PRKN: variants seen among roughly 807,000 people sequenced by gnomAD.
PRKN encodes the protein E3 ubiquitin-protein ligase parkin.
Under a neutral mutation model 59.5 loss-of-function variants are expected in PRKN, and 56 were observed. That is an observed-to-expected ratio of 0.94 (90% CI 0.76 to 1.18). PRKN has a LOEUF of 1.18. Among genes scored for constraint, PRKN ranks in the 50% most tolerant of loss-of-function variants. PRKN has a pLI of 0.00. For missense variants in PRKN, 657 were observed against 596.4 expected, an observed-to-expected ratio of 1.10 and a Z score of -1.06; for synonymous variants, 250 against 222.1, an observed-to-expected ratio of 1.13 and a Z score of -1.12.
rs534466496 is a variant in PRKN, at chr6:161,430,616, C to A, written c.1084-43739G>T. On this transcript the variant is annotated intron_variant, in intron 9 of 11. Transcript: ENST00000366898. ...GGATCACGAGGTCAGGAGATCAAGA[C>A]CATCCTGGCTAACACAGTGAAACCC... Among the ~76,000 whole-genome samples the A allele has an allele frequency of 7.0e-4, 105 of 151,022 alleles. No individual in the cohort carries two copies. In the Middle Eastern group the frequency reaches 0.01, roughly 15 times the overall value.
intron 5 of PRKN, among the ~76,000 whole-genome samples, chr6:162,052,094 C>G (rs183521578): frequency 1.3e-3 from 196 of 152,258 alleles, no homozygotes; most frequent in African/African-American, 4.6e-3. Flanking sequence ...ACTGTATTAT[C>G]AAACTCTATC....
At chr6:162,206,432 A>G (rs2128332794) in intron 3 of PRKN, among the ~76,000 whole-genome samples, 1 of 152,306 alleles carries the variant, frequency 6.6e-6, no homozygotes, top group South Asian at 2.1e-4. Flanking sequence ...GCGTCCCCCA[A>G]GCCTTTGTCC....
At chr6:161,771,387 T>A (rs78962635) in intron 7 of PRKN, among the ~76,000 whole-genome samples, 58,731 of 118,900 alleles carry the variant, frequency 0.49, 15,455 homozygotes, top group Non-Finnish European at 0.55. Context: ...TAAAATAAAA[T>A]AAAATAAAAT....
intron 2 of PRKN, among the ~76,000 whole-genome samples, chr6:162,266,982 G>A (rs1780170548): frequency 6.6e-6 from 1 of 152,062 alleles, no homozygotes. Context: ...ACTAAAAATC[G>A]ATACAAAAAA....
At chr6:162,009,073 T>C (rs1158835547) in intron 5 of PRKN, among the ~76,000 whole-genome samples, 1 of 151,720 alleles carries the variant, frequency 6.6e-6, no homozygotes, top group Non-Finnish European at 1.5e-5. Context: ...GCCAACACGG[T>C]GAAACCCCGT....
chr6:161,942,468 T>C (rs535246823), intron 6 of PRKN, among the ~76,000 whole-genome samples: 20 of 152,140 alleles, frequency 1.3e-4, no homozygotes, highest in African/African-American at 4.6e-4. Context: ...GAGGCGGAGG[T>C]TGCAGTGAAC....
rs1038288472 is a variant in PRKN at position 161,692,769 on chromosome 6, C to T, written c.871+93003G>A. ...AAAACAAACAAAACAAACAAACAAACGAACAAACAAAACCAACCCCCCCAC... is the reference window on the plus strand; with the variant it reads ...AAAACAAACAAAACAAACAAACAAATGAACAAACAAAACCAACCCCCCCAC... On this transcript the variant is annotated intron_variant, in intron 7 of 11. Transcript: ENST00000366898. Among the ~76,000 whole-genome samples the T allele has an allele frequency of 9.2e-5, 14 of 151,930 alleles. No homozygotes were observed. In the South Asian group the frequency reaches 1.2e-3, roughly 14 times the overall value.
chr6:161,881,703 A>C (rs1562362009), intron 6 of PRKN, among the ~76,000 whole-genome samples: 1 of 152,188 alleles, frequency 6.6e-6, no homozygotes, highest in South Asian at 2.1e-4. Flanking sequence ...ACAGCAACTC[A>C]TTAGAGCCTC....
chr6:162,349,940 A>C (rs1038514461), intron 2 of PRKN, among the ~76,000 whole-genome samples: 2 of 152,230 alleles, frequency 1.3e-5, no homozygotes, highest in African/African-American at 4.8e-5. Context: ...AAGATGGCAT[A>C]GTTTCTATGT....
chr6:161,541,407 T>C (rs1373711346), intron 9 of PRKN, among the ~76,000 whole-genome samples: 2 of 152,254 alleles, frequency 1.3e-5, no homozygotes, highest in Non-Finnish European at 2.9e-5. Flanking sequence ...GAAGTCTGTT[T>C]TCAGGACTGT....
intron 1 of PRKN, among the ~76,000 whole-genome samples, chr6:162,582,484 T>C (rs891476237): frequency 3.3e-5 from 5 of 152,182 alleles, no homozygotes; most frequent in Non-Finnish European, 7.4e-5. Flanking sequence ...TCCTGTCATA[T>C]AGATAGCCTA....
chr6:162,425,211 C>T (rs566335852), intron 2 of PRKN, among the ~76,000 whole-genome samples: 1 of 152,092 alleles, frequency 6.6e-6, no homozygotes, highest in African/African-American at 2.4e-5. Flanking sequence ...CCATTTTTCA[C>T]AACGCTGAAA....
intron 9 of PRKN, among the ~76,000 whole-genome samples, chr6:161,540,341 C>T (rs1466297539): frequency 6.6e-6 from 1 of 151,906 alleles, no homozygotes; most frequent in African/African-American, 2.4e-5. Flanking sequence ...ATTTAATTAA[C>T]CCTTGGAAGA....
chr6:161,511,765 C>T (rs1017937479), intron 9 of PRKN, among the ~76,000 whole-genome samples: 5 of 151,998 alleles, frequency 3.3e-5, no homozygotes, highest in African/African-American at 1.2e-4. Flanking sequence ...AAAGAACGAT[C>T]CAGACTGCAA....
chr6:161,795,464 C>A (rs983284271), intron 6 of PRKN, among the ~76,000 whole-genome samples: 2 of 151,870 alleles, frequency 1.3e-5, no homozygotes, highest in African/African-American at 4.8e-5. Context: ...GAACTCCTGA[C>A]CTCAAGTGAT....
Position 162,208,818 on chromosome 6 carries a change from C to T in PRKN, c.413-7566G>A, listed in dbSNP as rs539211317. ...GCAGATAATGTGTCCAGTTTCCTCA[C>T]AATGACATCTCTATAGCCTGGGGTA... On this transcript the variant is annotated intron_variant, in intron 3 of 11. Coordinates refer to ENST00000366898, the MANE Select transcript of PRKN (RefSeq NM_004562.3). 2.6e-5 allele frequency among the ~76,000 whole-genome samples: 4 copies of T among 152,256 alleles called. No homozygotes were observed. The East Asian group carries it at 7.7e-4, about 29-fold the overall frequency.
At chr6:161,737,398 G>C (rs1173155376) in intron 7 of PRKN, among the ~76,000 whole-genome samples, 3 of 152,254 alleles carry the variant, frequency 2.0e-5, no homozygotes, top group Non-Finnish European at 4.4e-5. Context: ...GGCAGGGATG[G>C]AGAGGGGAGA....
chr6:162,560,771 A>G (rs917647160), intron 1 of PRKN, among the ~76,000 whole-genome samples: 5 of 139,226 alleles, frequency 3.6e-5, no homozygotes, highest in African/African-American at 1.3e-4. Flanking sequence ...CAATCAGTGT[A>G]TACTTAATGA....
intron 7 of PRKN, among the ~76,000 whole-genome samples, chr6:161,752,557 T>C (rs965813225): frequency 1.3e-5 from 2 of 151,718 alleles, no homozygotes; most frequent in African/African-American, 2.4e-5. Context: ...GCTGGGTGCA[T>C]TGGTGCGCAC....
Sources: allele counts gnomAD v4.1 joint callset (sites outside exome capture counted in the v4.1 genomes callset), GRCh38; gene constraint gnomAD v4.1.1; transcripts MANE v1.5; gene names NCBI Gene and HGNC (gene_info 2026-07-23, HGNC 2026-07-21).